KAZN: variants seen among roughly 807,000 people sequenced by gnomAD.
The protein encoded by KAZN is kazrin, periplakin interacting protein.
A neutral mutation model predicts 87.4 loss-of-function variants in KAZN; 40 were observed. The ratio of observed to expected loss-of-function variants is 0.46; its 90% CI spans 0.36 to 0.60. The LOEUF (loss-of-function observed/expected upper bound fraction) is 0.60. KAZN is among the 20% of genes least tolerant of loss of function. The pLI, the probability that KAZN is intolerant of heterozygous loss-of-function variation, is 0.00. For missense variants in KAZN, 898 were observed against 1,073.9 expected (o/e 0.84, Z 2.29); for synonymous variants, 466 against 458.3 (o/e 1.02, Z -0.22).
Position 14,737,535 on chromosome 1 carries a change from T to C in KAZN, c.226+138312T>C, listed in dbSNP as rs563953778. ...CTGTTATCAACTGCTGTGTAACCAG[T>C]TACTGCACACTGGGCAGCTTATGAG... is the stretch of plus-strand genomic sequence containing the variant. On this transcript the variant is annotated intron_variant, in intron 1 of 14. Coordinates refer to ENST00000376030, the MANE Select transcript of KAZN (RefSeq NM_201628.3). Among the ~76,000 whole-genome samples, 7 of 152,318 alleles carry C rather than the reference T, an allele frequency of 4.6e-5. No individual in the cohort carries two copies. In the South Asian group the frequency reaches 1.0e-3, roughly 23 times the overall value.
In KAZN at chr1:15,024,349, G is replaced by A. The variant is rs553360447; in HGVS notation, c.419-10400G>A. ...CGACCGGCATGGAAAAGCCAGAGCC[G>A]GTCCCAGAGAGGATGGTGGGAAGGA... On this transcript the variant is annotated intron_variant, in intron 2 of 14. Coordinates refer to ENST00000376030, the MANE Select transcript of KAZN (RefSeq NM_201628.3). 1.4e-4 allele frequency among the ~76,000 whole-genome samples: 22 copies of A among 152,312 alleles called. No individual in the cohort carries two copies. In the South Asian group the frequency reaches 1.7e-3, roughly 12 times the overall value.
intron 1 of KAZN, among the ~76,000 whole-genome samples, chr1:14,655,956 C>T (rs1029190568): frequency 6.6e-6 from 1 of 152,162 alleles, no homozygotes; most frequent in Non-Finnish European, 1.5e-5. Context: ...CAACAACTTG[C>T]TGAAGGCGTG....
At chr1:14,451,929 C>G (rs528121831) in intron 2 of KAZN, among the ~76,000 whole-genome samples, 4 of 151,776 alleles carry the variant, frequency 2.6e-5, no homozygotes, top group Admixed American at 6.6e-5. Flanking sequence ...ATGAGATTAA[C>G]TCTTTTTTGT....
In KAZN at chr1:14,481,505, G is replaced by A. The variant is rs564470537; in HGVS notation, c.250-117478G>A. ...AAGTTCTATCTCCTGAACCTCAGAG[G>A]TCAGCAGTAGCCCTCATACATGATT... is the stretch of plus-strand genomic sequence containing the variant. On this transcript the variant is annotated intron_variant, in intron 2 of 16. Coordinates refer to the KAZN transcript ENST00000636203. Among the ~76,000 whole-genome samples the A allele has an allele frequency of 2.6e-5, 4 of 152,230 alleles. No individual in the cohort carries two copies. In the South Asian group the frequency reaches 6.2e-4, roughly 24 times the overall value.
intron 2 of KAZN, among the ~76,000 whole-genome samples, chr1:14,244,960 T>C (rs2100590073): frequency 6.6e-6 from 1 of 152,072 alleles, no homozygotes; most frequent in African/African-American, 2.4e-5. Flanking sequence ...TGGGATTTTG[T>C]CTTGTTTTTT....
intron 1 of KAZN, among the ~76,000 whole-genome samples, chr1:14,633,615 G>A (rs943846895): frequency 6.6e-6 from 1 of 152,068 alleles, no homozygotes; most frequent in African/African-American, 2.4e-5. Context: ...CCTCGAAGCC[G>A]CTAAGTTTGT....
chr1:14,470,644 C>G (rs570652896), intron 2 of KAZN, among the ~76,000 whole-genome samples: 11 of 152,284 alleles, frequency 7.2e-5, no homozygotes, highest in African/African-American at 2.6e-4. Context: ...GAGCACCTTT[C>G]TCTGTTGAGC....
At chr1:14,910,308 A>G (rs1017490357) in intron 1 of KAZN, among the ~76,000 whole-genome samples, 1 of 152,196 alleles carries the variant, frequency 6.6e-6, no homozygotes, top group African/African-American at 2.4e-5. Flanking sequence ...CTTGATGTGC[A>G]GGGCTGGGCC....
chr1:14,548,824 T>C (rs1454003612), intron 2 of KAZN, among the ~76,000 whole-genome samples: 1 of 152,238 alleles, frequency 6.6e-6, no homozygotes, highest in African/African-American at 2.4e-5. Flanking sequence ...GTGAGGGATC[T>C]CTAGGGCATT....
intron 1 of KAZN, among the ~76,000 whole-genome samples, chr1:14,741,184 A>C (rs1273087478): frequency 1.3e-5 from 2 of 152,232 alleles, no homozygotes; most frequent in Admixed American, 1.3e-4. Context: ...TCACTTTTAA[A>C]TGCGTGCATG....
intron 2 of KAZN, among the ~76,000 whole-genome samples, chr1:14,997,046 T>C (rs3902773): frequency 0.38 from 58,175 of 151,882 alleles, 13,153 homozygotes; most frequent in African/African-American, 0.64. Flanking sequence ...GTTCCTGACT[T>C]CTCCTCATCC....
At chr1:14,282,957 T>G (rs1441161420) in intron 2 of KAZN, among the ~76,000 whole-genome samples, 1 of 152,206 alleles carries the variant, frequency 6.6e-6, no homozygotes, top group Non-Finnish European at 1.5e-5. Context: ...CCCCGTGGAA[T>G]TTCGATCTGC....
At chr1:14,810,981 G>C (rs751381740) in intron 1 of KAZN, among the ~76,000 whole-genome samples, 1 of 152,206 alleles carries the variant, frequency 6.6e-6, no homozygotes, top group Non-Finnish European at 1.5e-5. Context: ...CGTCTTTTCA[G>C]ATTTGGAGAT....
At chr1:14,933,874 G>A (rs1660134886) in intron 1 of KAZN, among the ~76,000 whole-genome samples, 1 of 148,852 alleles carries the variant, frequency 6.7e-6, no homozygotes, top group South Asian at 2.1e-4. Flanking sequence ...ATGAGACGGA[G>A]TCTTGCTGTG....
At chr1:15,038,267 A>G (rs935580402) in intron 3 of KAZN, among the ~76,000 whole-genome samples, 9 of 150,168 alleles carry the variant, frequency 6.0e-5, no homozygotes, top group African/African-American at 2.2e-4. Flanking sequence ...AAAAGAAAAG[A>G]AAGAAAAAAA....
At chr1:14,544,807 T>G (rs1451084942) in intron 2 of KAZN, among the ~76,000 whole-genome samples, 3 of 151,424 alleles carry the variant, frequency 2.0e-5, no homozygotes, top group Non-Finnish European at 4.4e-5. Flanking sequence ...TGGGCTTGAG[T>G]GATCCTCCTG....
intron 2 of KAZN, among the ~76,000 whole-genome samples, chr1:14,316,928 A>G (rs765608036): frequency 1.1e-4 from 17 of 151,988 alleles, no homozygotes; most frequent in Non-Finnish European, 2.5e-4. Context: ...CAATTTATTG[A>G]AAGCCTTGTT....
At chr1:14,546,468 G>T (rs189447641) in intron 2 of KAZN, among the ~76,000 whole-genome samples, 1 of 151,770 alleles carries the variant, frequency 6.6e-6, no homozygotes, top group East Asian at 1.9e-4. Context: ...GGTGAGAGGT[G>T]CCAGAAGAAG....
At position 14,567,915 on chromosome 1, in the gene KAZN, C is replaced by T. The variant is rs1180552268; in HGVS notation, c.250-31068C>T. Among the ~76,000 whole-genome samples the T allele has an allele frequency of 3.9e-5, 6 of 152,178 alleles. No individual in the cohort carries two copies. In the East Asian group the frequency reaches 1.2e-3, roughly 29 times the overall value. On this transcript the variant is annotated intron_variant, in intron 2 of 16. Coordinates refer to the KAZN transcript ENST00000636203. ...CTAAAACCACCCCTAAGATTCTCAC[C>T]TCCTGGTGTACACAGCTATATAAAC...
Sources: gnomAD v4.1 joint callset for allele counts (sites outside exome capture counted in the v4.1 genomes callset) on GRCh38, gnomAD v4.1.1 for gene constraint, MANE v1.5 for transcripts, NCBI Gene and HGNC (gene_info 2026-07-23, HGNC 2026-07-21) for gene names.